The following USP12 variants were observed in gnomAD, a reference collection of about 807,000 sequenced individuals.
The protein encoded by USP12 is ubiquitin carboxyl-terminal hydrolase 12.
A neutral mutation model predicts 45.5 loss-of-function variants in USP12; 19 were observed. That is an observed-to-expected ratio of 0.42 (90% CI 0.29 to 0.61). The LOEUF (loss-of-function observed/expected upper bound fraction) is 0.61. Ranked by LOEUF, USP12 falls within the 20% of genes least tolerant of loss-of-function variation. The pLI is 0.22. For missense variants in USP12, 242 were observed against 447.7 expected, an observed-to-expected ratio of 0.54 and a Z score of 4.15; for synonymous variants, 149 against 148.8, an observed-to-expected ratio of 1.00 and a Z score of -0.01.
At chr13:27,122,912 T>A (rs1158409386) in intron 1 of USP12, among the ~76,000 whole-genome samples, 1 of 151,526 alleles carries the variant, frequency 6.6e-6, no homozygotes, top group Non-Finnish European at 1.5e-5. Context: ...GCTAACATGG[T>A]GAAACCCCGT....
intron 2 of USP12, among the ~76,000 whole-genome samples, chr13:27,113,170 G>A (rs543221276): frequency 2.6e-5 from 4 of 152,134 alleles, no homozygotes; most frequent in Admixed American, 2.6e-4. Flanking sequence ...AGAAGGTGAA[G>A]CTGCAGTGAG....
Position 27,069,154 on chromosome 13 carries a change from T to C in USP12, c.*129A>G, listed in dbSNP as rs1383722639. On this transcript the variant is annotated 3_prime_UTR_variant, in exon 9 of 9. Transcript: ENST00000282344. ...TCAATCCATCGTCTTTGCTTTATCG[T>C]GTGCAAAGTGTGCTACTGCCCCCTG... 3.7e-5 allele frequency: 27 copies of C among 723,316 alleles called. 1 individual carries two copies. The Admixed American group carries it at 6.3e-4, about 17-fold the overall frequency. The allele number at this position is 723,316 out of a possible 1,614,324, so 44.8% of individuals were successfully genotyped here.
chr13:27,130,595 G>T (rs1876454471), intron 1 of USP12, among the ~76,000 whole-genome samples: 1 of 149,330 alleles, frequency 6.7e-6, no homozygotes, highest in Non-Finnish European at 1.5e-5. Context: ...TGGTGTATTT[G>T]CAGGAAAAAA....
chr13:27,116,334 G>C (rs200621242), intron 2 of USP12, among the ~76,000 whole-genome samples, 182 bp downstream of exon 2: 10 of 131,570 alleles, frequency 7.6e-5, no homozygotes, highest in African/African-American at 2.5e-4. Context: ...AAAAAAAAAA[G>C]ATGTCAGGCA....
intron 1 of USP12, among the ~76,000 whole-genome samples, chr13:27,171,102 G>C (rs1030022803): frequency 6.7e-6 from 1 of 148,818 alleles, no homozygotes; most frequent in Non-Finnish European, 1.5e-5. Context: ...CACCCCTCCC[G>C]GGGACCCCTC....
At chr13:27,086,187 A>ATATAT (rs1289444305) in intron 6 of USP12, among the ~76,000 whole-genome samples, 1,013 of 72,556 alleles carry the variant, frequency 0.014, 17 homozygotes, top group African/African-American at 0.015. Context: ...AAAAAAAAAA[A>ATATAT]AAAAAAAAAA....
At chr13:27,092,787 C>CTAAG (rs1360894781) in intron 4 of USP12, among the ~76,000 whole-genome samples, 1 of 152,116 alleles carries the variant, frequency 6.6e-6, no homozygotes, top group Non-Finnish European at 1.5e-5. Flanking sequence ...AGGAGAAATT[C>CTAAG]TAAGGGACCT....
At chr13:27,081,660 G>C (rs1373822471) in intron 6 of USP12, among the ~76,000 whole-genome samples, 1 of 152,156 alleles carries the variant, frequency 6.6e-6, no homozygotes, top group Non-Finnish European at 1.5e-5. Context: ...ACTTTGCTCA[G>C]ATCCATCAGA....
rs1375712670 is a variant in USP12 at position 27,066,464 on chromosome 13, T to C, written c.*2819A>G. The C allele has an allele frequency of 1.3e-5, 2 of 152,162 alleles. No homozygotes were observed. Among genetic ancestry groups the C allele is most frequent in the Non-Finnish European group, 2.9e-5 (2 of 68,032 alleles). The allele number at this position is 152,162 out of a possible 1,614,324, so 9.4% of individuals were successfully genotyped here. A position where few individuals can be genotyped will look rare whatever the true frequency, so the allele number is the denominator to read the frequency against. ...TTAAAGAAAGTATCAAGAGTAGTTA[T>C]GTTATGAAAATGAGGTCTTTCTACT... On this transcript the variant is annotated 3_prime_UTR_variant, in exon 9 of 9. Coordinates refer to ENST00000282344, the MANE Select transcript of USP12 (RefSeq NM_182488.4).
At chr13:27,166,008 GA>G (rs1878331631) in intron 1 of USP12, among the ~76,000 whole-genome samples, 1 of 152,082 alleles carries the variant, frequency 6.6e-6, no homozygotes, top group South Asian at 2.1e-4. Flanking sequence ...TAAAGGATCA[GA>G]ATTTTAGACC....
chr13:27,090,756 C>T (rs1029669063), intron 4 of USP12, among the ~76,000 whole-genome samples: 1 of 152,146 alleles, frequency 6.6e-6, no homozygotes, highest in Non-Finnish European at 1.5e-5. Flanking sequence ...CCTGAAGGTA[C>T]GTGTGCAACA....
intron 1 of USP12, among the ~76,000 whole-genome samples, chr13:27,159,244 T>C (rs954810454): frequency 6.6e-6 from 1 of 152,192 alleles, no homozygotes; most frequent in African/African-American, 2.4e-5. Context: ...TTTAATTCTT[T>C]TAAAATCCTC....
At chr13:27,137,456 TACTC>T (rs1268441712) in intron 1 of USP12, among the ~76,000 whole-genome samples, 1 of 152,214 alleles carries the variant, frequency 6.6e-6, no homozygotes, top group Non-Finnish European at 1.5e-5. Context: ...CAAGCCACAG[TACTC>T]ACTGTGCTCA....
rs562805516 is a variant in USP12 at position 27,118,390 on chromosome 13, A to G, written c.49-1794T>C. Reference sequence around the variant, plus strand: ...TGGGAATCAATTTTAAGTTTTATATAAAACCTTAATACCATCACTAGTTAA... The same window carrying G: ...TGGGAATCAATTTTAAGTTTTATATGAAACCTTAATACCATCACTAGTTAA... On this transcript the variant is annotated intron_variant, in intron 1 of 8. Coordinates refer to ENST00000282344, the MANE Select transcript of USP12 (RefSeq NM_182488.4). Among the ~76,000 whole-genome samples the G allele has an allele frequency of 2.0e-5, 3 of 152,290 alleles. No homozygotes were observed. In the South Asian group the frequency reaches 6.2e-4, roughly 32 times the overall value.
At chr13:27,081,192 T>C (rs56253021) in intron 6 of USP12, among the ~76,000 whole-genome samples, 8,144 of 152,302 alleles carry the variant, frequency 0.053, 260 homozygotes, top group Middle Eastern at 0.095. Flanking sequence ...GTGATGCTGT[T>C]TGACAGCATT....
intron 7 of USP12, among the ~76,000 whole-genome samples, chr13:27,074,598 G>C (rs568400654): frequency 6.6e-6 from 1 of 152,278 alleles, no homozygotes; most frequent in South Asian, 2.1e-4. Flanking sequence ...CCAAATACAA[G>C]TTTTGATTAT....
chr13:27,127,572 G>A (rs990918048), intron 1 of USP12, among the ~76,000 whole-genome samples: 2 of 152,126 alleles, frequency 1.3e-5, no homozygotes, highest in Non-Finnish European at 2.9e-5. Context: ...CCGTCCAGTA[G>A]TGTTTATGTT....
chr13:27,147,334 T>G (rs754625538), intron 1 of USP12, among the ~76,000 whole-genome samples: 1 of 152,186 alleles, frequency 6.6e-6, no homozygotes, highest in Non-Finnish European at 1.5e-5. Flanking sequence ...TTGTTTCCAA[T>G]TTAGTTACGA....
intron 1 of USP12, among the ~76,000 whole-genome samples, chr13:27,157,742 A>G (rs111926273): frequency 2.0e-5 from 3 of 152,200 alleles, no homozygotes; most frequent in Admixed American, 6.5e-5. Flanking sequence ...TTACCTTTCA[A>G]ATTCCACCAA....
Sources: allele counts gnomAD v4.1 joint callset (sites outside exome capture counted in the v4.1 genomes callset), GRCh38; gene constraint gnomAD v4.1.1; transcripts MANE v1.5; gene names NCBI Gene and HGNC (gene_info 2026-07-23, HGNC 2026-07-21).